The following FAF1 variants were observed in gnomAD, a reference collection of about 807,000 sequenced individuals.
The protein encoded by FAF1 is Fas associated factor 1.
FAF1 carries 25 observed loss-of-function variants against 92.5 expected under a neutral mutation model. That is an observed-to-expected ratio of 0.27 (90% CI 0.20 to 0.38). The LOEUF (loss-of-function observed/expected upper bound fraction) is 0.38. FAF1 is among the 10% of genes least tolerant of loss of function. The pLI, the probability that FAF1 is intolerant of heterozygous loss-of-function variation, is 1.00. For synonymous variants in FAF1, 234 were observed against 273.2 expected (o/e 0.86, Z 1.42); for missense variants, 636 against 793.3 (o/e 0.80, Z 2.38).
intron 13 of FAF1, among the ~76,000 whole-genome samples, chr1:50,551,561 A>G (rs184128484): frequency 2.4e-4 from 37 of 152,336 alleles, no homozygotes; most frequent in Admixed American, 2.3e-3. Flanking sequence ...ATGGTTTATG[A>G]ACAATTAGAA....
chr1:50,608,084 G>C (rs1262705944), intron 8 of FAF1, among the ~76,000 whole-genome samples: 1 of 152,258 alleles, frequency 6.6e-6, no homozygotes, highest in Non-Finnish European at 1.5e-5. Flanking sequence ...CAGCTCAAAG[G>C]CTGTTCTGCA....
At chr1:50,659,293 A>C (rs2124306384) in intron 7 of FAF1, among the ~76,000 whole-genome samples, 1 of 151,964 alleles carries the variant, frequency 6.6e-6, no homozygotes, top group Non-Finnish European at 1.5e-5. Context: ...AAAAGGAGGA[A>C]AGAGAAGAGA....
chr1:50,505,326 T>C (rs1647046393), intron 15 of FAF1, among the ~76,000 whole-genome samples: 1 of 152,110 alleles, frequency 6.6e-6, no homozygotes, highest in Non-Finnish European at 1.5e-5. Context: ...GAGCATACAT[T>C]CTGAGAAAGG....
rs1181701488 is a variant in FAF1 at position 50,475,674 on chromosome 1, G to A, written c.1659C>T (p.Ile553=). ...GCAGGGCTTGCTCTAAGGACAGCCG[G>A]ATGGCCTAGGGAGAGCAAAAACCAG... ...RKEQEEEREA[I]RLSLEQALPP... Residue 553 remains isoleucine (I), a synonymous_variant, in exon 18 of 19, where the codon ATC becomes ATT. Coordinates refer to ENST00000396153, the MANE Select transcript of FAF1 (RefSeq NM_007051.3). 4 of 1,612,780 alleles carry A rather than the reference G, an allele frequency of 2.5e-6. No homozygotes were observed. Among genetic ancestry groups the A allele is most frequent in the Non-Finnish European group, 3.4e-6 (4 of 1,179,316 alleles).
intron 15 of FAF1, among the ~76,000 whole-genome samples, chr1:50,503,892 G>A (rs1406297848): frequency 6.6e-6 from 1 of 152,138 alleles, no homozygotes; most frequent in Admixed American, 6.6e-5. Context: ...GACAGACAGA[G>A]ACAGCAAAGA....
Position 50,816,118 on chromosome 1 carries a change from AT to A in FAF1, c.115-14442del, listed in dbSNP as rs575292768. 7.7e-3 allele frequency among the ~76,000 whole-genome samples: 1,101 copies of A among 142,790 alleles called. 13 individuals carry two copies. The highest frequency in any genetic ancestry group is 0.027 in the African/African-American group (1,042 of 38,482). The allele number at this position is 142,790 out of a possible 152,430, so 93.7% of individuals were successfully genotyped here. On this transcript the variant is annotated intron_variant, in intron 2 of 18. Transcript: ENST00000396153. ...ATTTGCATTTCTCTGAATATTAGTG[AT>A]TTTTTTTTCATGTTGTTGGCCATTA...
rs1332687174 is a variant in FAF1 at position 50,724,286 on chromosome 1, CACACACACAT to C, written c.551+14567_551+14576del. 2.6e-3 allele frequency among the ~76,000 whole-genome samples: 315 copies of C among 120,162 alleles called. 1 individual carries two copies. The highest frequency in any genetic ancestry group is 0.012 in the African/African-American group (297 of 25,256). 78.8% of individuals were successfully genotyped at this position (120,162 alleles called of 152,430 possible). On this transcript the variant is annotated intron_variant, in intron 6 of 18. Transcript: ENST00000396153. ...ATATATATATACATATACACACACA[CACACACACAT>C]ACACACACACACACACACACACACA...
chr1:50,516,858 G>A (rs539734708), intron 15 of FAF1, among the ~76,000 whole-genome samples: 1 of 152,288 alleles, frequency 6.6e-6, no homozygotes, highest in Admixed American at 6.5e-5. Context: ...CTTTGGATTG[G>A]TTGCAAAGTT....
chr1:50,707,398 A>G (rs547937382), intron 6 of FAF1, among the ~76,000 whole-genome samples: 1 of 152,038 alleles, frequency 6.6e-6, no homozygotes, highest in Non-Finnish European at 1.5e-5. Flanking sequence ...CATTATATCC[A>G]TAAAAATTAA....
intron 18 of FAF1, among the ~76,000 whole-genome samples, chr1:50,449,489 CTTTT>C (rs373425527): frequency 1.6e-5 from 2 of 124,610 alleles, no homozygotes; most frequent in Non-Finnish European, 1.7e-5. Flanking sequence ...CTTTTTCTTT[CTTTT>C]TTTTTTTTTT....
At chr1:50,584,613 A>C in intron 10 of FAF1, 72 bp downstream of exon 10, 11 of 1,460,572 alleles carry the variant, frequency 7.5e-6, no homozygotes, top group Non-Finnish European at 1.0e-5. Context: ...GTTTAAGTTT[A>C]ATGTTCTTCA....
chr1:50,889,277 A>G (rs904963477), intron 1 of FAF1, among the ~76,000 whole-genome samples: 4 of 151,922 alleles, frequency 2.6e-5, no homozygotes, highest in East Asian at 1.9e-4. Flanking sequence ...TAGTCTTGCT[A>G]GCAGTCTATC....
intron 1 of FAF1, among the ~76,000 whole-genome samples, chr1:50,872,318 T>C (rs1644535555): frequency 1.3e-5 from 2 of 152,132 alleles, no homozygotes; most frequent in South Asian, 4.1e-4. Context: ...GAACTGCAGA[T>C]ATGGTGAAGA....
intron 4 of FAF1, among the ~76,000 whole-genome samples, chr1:50,782,971 A>G (rs1661232601): frequency 6.6e-6 from 1 of 152,066 alleles, no homozygotes; most frequent in Non-Finnish European, 1.5e-5. Flanking sequence ...AAAAAAATCA[A>G]CAATACTGAG....
At chr1:50,572,086 T>A (rs893534739) in intron 12 of FAF1, among the ~76,000 whole-genome samples, 1 of 152,168 alleles carries the variant, frequency 6.6e-6, no homozygotes, top group African/African-American at 2.4e-5. Flanking sequence ...TCCTTTTCCC[T>A]CATCATTATC....
chr1:50,609,466 C>G (rs1652593214), intron 8 of FAF1, among the ~76,000 whole-genome samples: 1 of 152,154 alleles, frequency 6.6e-6, no homozygotes, highest in African/African-American at 2.4e-5. Context: ...CTCACCACAG[C>G]CTTTACCTCC....
intron 1 of FAF1, among the ~76,000 whole-genome samples, chr1:50,873,322 A>T (rs1366199168): frequency 6.6e-6 from 1 of 152,194 alleles, no homozygotes; most frequent in Non-Finnish European, 1.5e-5. Context: ...CTGAGCCTAA[A>T]ATAGTTCTCA....
At chr1:50,740,215 C>CAGGGAAG (rs2124488519) in intron 5 of FAF1, among the ~76,000 whole-genome samples, 1 of 151,988 alleles carries the variant, frequency 6.6e-6, no homozygotes, top group South Asian at 2.1e-4. Context: ...AAAAATAAAG[C>CAGGGAAG]AGGGAAGGGG....
intron 8 of FAF1, among the ~76,000 whole-genome samples, chr1:50,622,658 T>C (rs1278082324): frequency 1.3e-5 from 2 of 152,184 alleles, no homozygotes; most frequent in Admixed American, 6.5e-5. Flanking sequence ...TACAGAATCA[T>C]AAAATTTCAG....
Sources: allele counts gnomAD v4.1 joint callset (sites outside exome capture counted in the v4.1 genomes callset), GRCh38; gene constraint gnomAD v4.1.1; transcripts MANE v1.5; gene names NCBI Gene and HGNC (gene_info 2026-07-23, HGNC 2026-07-21).